The following LINGO2 variants were observed in gnomAD, a reference collection of about 807,000 sequenced individuals.
LINGO2 encodes leucine-rich repeat and immunoglobulin-like domain-containing nogo receptor-interacting protein 2.
Under a neutral mutation model 30.6 loss-of-function variants are expected in LINGO2, and 14 were observed. That is an observed-to-expected ratio of 0.46 (90% CI 0.30 to 0.72). The LOEUF is 0.72. LINGO2 is among the 30% of genes least tolerant of loss of function. LINGO2 has a pLI of 0.07. For synonymous variants in LINGO2, 317 were observed against 288.5 expected (o/e 1.10, Z -1.00); for missense variants, 729 against 751.7 (o/e 0.97, Z 0.35).
the LINGO2 span, among the ~76,000 whole-genome samples, chr9:28,689,149 T>A: frequency 3.9e-5 from 6 of 152,162 alleles, no homozygotes; most frequent in African/African-American, 1.4e-4. Context: ...GTGGCCCTAT[T>A]AGGGAAGTTC....
intron 1 of LINGO2, among the ~76,000 whole-genome samples, chr9:28,639,116 G>A (rs1313318290): frequency 1.3e-5 from 2 of 152,150 alleles, no homozygotes; most frequent in African/African-American, 2.4e-5. Context: ...CAGTTTCCAT[G>A]TAGTTGAGCG....
the LINGO2 span, among the ~76,000 whole-genome samples, chr9:29,151,477 T>G: frequency 2.6e-5 from 4 of 152,080 alleles, no homozygotes; most frequent in Non-Finnish European, 5.9e-5. Context: ...AATAATACAA[T>G]ACAAGACCCA....
chr9:28,830,571 A>C, the LINGO2 span, among the ~76,000 whole-genome samples: 2 of 152,222 alleles, frequency 1.3e-5, no homozygotes, highest in Non-Finnish European at 2.9e-5. Context: ...TAAGAAACTA[A>C]TATGATAGTC....
At chr9:28,237,376 A>G (rs1821611736) in intron 4 of LINGO2, among the ~76,000 whole-genome samples, 1 of 152,126 alleles carries the variant, frequency 6.6e-6, no homozygotes, top group African/African-American at 2.4e-5. Context: ...GGAAGAAAAT[A>G]AGGAAGAGAA....
intron 4 of LINGO2, among the ~76,000 whole-genome samples, chr9:28,052,959 C>CCA (rs36050737): frequency 0.091 from 13,898 of 152,062 alleles, 1,280 homozygotes; most frequent in African/African-American, 0.24. Flanking sequence ...CATTGAGCAT[C>CCA]CAGTACATGT....
the LINGO2 span, among the ~76,000 whole-genome samples, chr9:29,166,271 T>A: frequency 6.6e-6 from 1 of 152,162 alleles, no homozygotes; most frequent in Non-Finnish European, 1.5e-5. Flanking sequence ...GTGATCTTAG[T>A]TATTCTGTTA....
intron 3 of LINGO2, among the ~76,000 whole-genome samples, chr9:28,331,347 A>C (rs1327197782): frequency 6.6e-6 from 1 of 152,152 alleles, no homozygotes; most frequent in Non-Finnish European, 1.5e-5. Context: ...AACCTTAATT[A>C]ATCAAGTAGA....
chr9:28,169,827 C>G (rs2133647392), intron 4 of LINGO2, among the ~76,000 whole-genome samples: 1 of 152,252 alleles, frequency 6.6e-6, no homozygotes, highest in Non-Finnish European at 1.5e-5. Flanking sequence ...AAACTTTGCA[C>G]CTGGAATTTT....
At chr9:28,685,394 T>G in the LINGO2 span, among the ~76,000 whole-genome samples, 214 of 152,284 alleles carry the variant, frequency 1.4e-3, 1 homozygote, top group Non-Finnish European at 2.9e-3. Context: ...CTGTATTTAT[T>G]AGTTTACACT....
At chr9:28,943,722 G>GA in the LINGO2 span, among the ~76,000 whole-genome samples, 2 of 152,100 alleles carry the variant, frequency 1.3e-5, no homozygotes, top group African/African-American at 2.4e-5. Context: ...GTAATGGATG[G>GA]AAAAAAAGGA....
intron 4 of LINGO2, among the ~76,000 whole-genome samples, chr9:28,105,453 C>T (rs1327615396): frequency 6.6e-6 from 1 of 152,074 alleles, no homozygotes; most frequent in Non-Finnish European, 1.5e-5. Flanking sequence ...GAAAACTAAA[C>T]AGATAAATAC....
chr9:28,933,132 C>T, the LINGO2 span, among the ~76,000 whole-genome samples: 2 of 152,032 alleles, frequency 1.3e-5, no homozygotes, highest in African/African-American at 4.8e-5. Context: ...GTCTCGAACT[C>T]CTGGCCTTAT....
At chr9:28,652,518 A>G (rs1247559029) in intron 1 of LINGO2, among the ~76,000 whole-genome samples, 1 of 152,068 alleles carries the variant, frequency 6.6e-6, no homozygotes, top group Non-Finnish European at 1.5e-5. Context: ...TTTCCAATAC[A>G]TACAGGTTCA....
intron 2 of LINGO2, among the ~76,000 whole-genome samples, chr9:28,451,726 G>T (rs1012983884): frequency 2.0e-5 from 3 of 151,620 alleles, no homozygotes; most frequent in Admixed American, 1.3e-4. Flanking sequence ...CCATCAGTCT[G>T]TATGAATATT....
At chr9:28,042,674 G>A (rs749035470) in intron 4 of LINGO2, among the ~76,000 whole-genome samples, 7 of 152,060 alleles carry the variant, frequency 4.6e-5, no homozygotes, top group Non-Finnish European at 1.0e-4. Flanking sequence ...CTATTTTTCA[G>A]TCTCCATTTC....
the LINGO2 span, among the ~76,000 whole-genome samples, chr9:28,792,620 A>C: frequency 6.6e-6 from 1 of 152,216 alleles, no homozygotes; most frequent in Admixed American, 6.5e-5. Context: ...AAATTTCCCT[A>C]TCATGAAAAC....
chr9:27,941,757 G>T, the LINGO2 span: 2 of 152,110 alleles, frequency 1.3e-5, no homozygotes, highest in African/African-American at 4.8e-5. Flanking sequence ...CCCAAGAGGA[G>T]TTTAAAAATT....
At chr9:28,075,906 T>G (rs1402054854) in intron 4 of LINGO2, among the ~76,000 whole-genome samples, 1 of 152,062 alleles carries the variant, frequency 6.6e-6, no homozygotes, top group African/African-American at 2.4e-5. Context: ...GTAGAAAAAT[T>G]TGTCCATTTT....
chr9:28,232,249 A>G (rs1821383085), intron 4 of LINGO2, among the ~76,000 whole-genome samples: 1 of 152,014 alleles, frequency 6.6e-6, no homozygotes, highest in Admixed American at 6.6e-5. Flanking sequence ...AATTACAAAA[A>G]ATAGCTAGGC....
Sources: gnomAD v4.1 joint callset for allele counts (sites outside exome capture counted in the v4.1 genomes callset) on GRCh38, gnomAD v4.1.1 for gene constraint, MANE v1.5 for transcripts, NCBI Gene and HGNC (gene_info 2026-07-23, HGNC 2026-07-21) for gene names.